ST6GALNAC5: variants seen among roughly 807,000 people sequenced by gnomAD.
The protein encoded by ST6GALNAC5 is alpha-N-acetylgalactosaminide alpha-2,6-sialyltransferase 5.
ST6GALNAC5 carries 27 observed loss-of-function variants against 33.6 expected under a neutral mutation model. That is an observed-to-expected ratio of 0.80 (90% CI 0.59 to 1.11). The LOEUF is 1.11. Among genes scored for constraint, ST6GALNAC5 ranks in the 50% least tolerant of loss-of-function variants. ST6GALNAC5 has a pLI of 0.00. For synonymous variants in ST6GALNAC5, 194 were observed against 171.2 expected (o/e 1.13, Z -1.04); for missense variants, 428 against 454.0 (o/e 0.94, Z 0.52).
chr1:76,893,348 T>A (rs909805809), intron 2 of ST6GALNAC5, among the ~76,000 whole-genome samples: 7 of 152,206 alleles, frequency 4.6e-5, no homozygotes, highest in Admixed American at 3.9e-4. Context: ...AAGAAATCAG[T>A]TTAAGAAGGC....
chr1:77,003,823 A>G (rs1017795517), intron 2 of ST6GALNAC5, among the ~76,000 whole-genome samples: 1 of 143,890 alleles, frequency 6.9e-6, no homozygotes, highest in Non-Finnish European at 1.5e-5. Flanking sequence ...ATTGGCCCCC[A>G]CTCTCTTCTG....
intron 2 of ST6GALNAC5, among the ~76,000 whole-genome samples, chr1:76,977,633 A>G (rs1649064936): frequency 6.6e-6 from 1 of 152,198 alleles, no homozygotes; most frequent in African/African-American, 2.4e-5. Context: ...GCTGCCACAA[A>G]TGATAGAATT....
At chr1:76,993,112 G>A (rs921806086) in intron 2 of ST6GALNAC5, among the ~76,000 whole-genome samples, 5 of 152,032 alleles carry the variant, frequency 3.3e-5, no homozygotes, top group Non-Finnish European at 7.4e-5. Flanking sequence ...TGCCCCTTTT[G>A]CCTTCCCCAG....
chr1:77,009,615 T>A (rs1307521070), intron 2 of ST6GALNAC5, among the ~76,000 whole-genome samples: 2 of 152,276 alleles, frequency 1.3e-5, no homozygotes, highest in East Asian at 3.9e-4. Flanking sequence ...CCCATCTTCC[T>A]GTCCTCCCCC....
chr1:76,939,372 A>G (rs1211127854), intron 2 of ST6GALNAC5, among the ~76,000 whole-genome samples: 1 of 152,060 alleles, frequency 6.6e-6, no homozygotes, highest in African/African-American at 2.4e-5. Flanking sequence ...AAGATTACTC[A>G]CAGCTGATCA....
At chr1:76,972,192 G>A (rs1463381603) in intron 2 of ST6GALNAC5, among the ~76,000 whole-genome samples, 5 of 152,170 alleles carry the variant, frequency 3.3e-5, no homozygotes, top group Non-Finnish European at 5.9e-5. Context: ...ATCTTACATA[G>A]CAGCAGGCAA....
At chr1:76,960,191 C>T (rs1433662741) in intron 2 of ST6GALNAC5, among the ~76,000 whole-genome samples, 1 of 151,994 alleles carries the variant, frequency 6.6e-6, no homozygotes, top group East Asian at 1.9e-4. Context: ...GTCAGTCGGT[C>T]TGAGAAATAA....
chr1:76,917,792 G>C (rs1317238391), intron 2 of ST6GALNAC5, among the ~76,000 whole-genome samples: 1 of 152,094 alleles, frequency 6.6e-6, no homozygotes. Context: ...TGATACAAAG[G>C]CTAGTAGGCT....
intron 2 of ST6GALNAC5, among the ~76,000 whole-genome samples, chr1:77,030,351 G>A (rs1651407007): frequency 2.6e-5 from 4 of 152,122 alleles, no homozygotes; most frequent in Non-Finnish European, 5.9e-5. Flanking sequence ...TTTAACCCCT[G>A]AGCCCCTGTT....
chr1:76,978,287 A>AT (rs1182685528), intron 2 of ST6GALNAC5, among the ~76,000 whole-genome samples: 2 of 151,992 alleles, frequency 1.3e-5, no homozygotes, highest in East Asian at 1.9e-4. Flanking sequence ...TTTCACTCTG[A>AT]TTTTTTTCCT....
At chr1:77,057,471 G>A (rs1652439990) in intron 4 of ST6GALNAC5, among the ~76,000 whole-genome samples, 1 of 152,242 alleles carries the variant, frequency 6.6e-6, no homozygotes, top group Admixed American at 6.5e-5. Flanking sequence ...TAAGCTTGAT[G>A]AGGAAGTGGA....
intron 2 of ST6GALNAC5, among the ~76,000 whole-genome samples, chr1:76,946,001 T>A (rs555219221): frequency 6.6e-6 from 1 of 152,134 alleles, no homozygotes; most frequent in South Asian, 2.1e-4. Context: ...CAGAGATGAG[T>A]CCTTAGCATA....
chr1:76,909,034 A>G (rs1312841020), intron 2 of ST6GALNAC5, among the ~76,000 whole-genome samples: 4 of 152,178 alleles, frequency 2.6e-5, no homozygotes, highest in Non-Finnish European at 5.9e-5. Flanking sequence ...GGTAAAACAC[A>G]TGAAGCATCT....
At chr1:77,055,165 T>C (rs1259633746) in intron 4 of ST6GALNAC5, among the ~76,000 whole-genome samples, 3 of 152,090 alleles carry the variant, frequency 2.0e-5, no homozygotes, top group Non-Finnish European at 4.4e-5. Context: ...GCAGAGTTCA[T>C]ACTCCCTAGC....
intron 2 of ST6GALNAC5, among the ~76,000 whole-genome samples, chr1:76,961,859 C>A (rs546552969): frequency 6.6e-6 from 1 of 152,130 alleles, no homozygotes; most frequent in Non-Finnish European, 1.5e-5. Flanking sequence ...TAATAATGTT[C>A]TTCTCCCTAC....
At chr1:77,017,531 A>G (rs1436553220) in intron 2 of ST6GALNAC5, among the ~76,000 whole-genome samples, 3 of 152,176 alleles carry the variant, frequency 2.0e-5, no homozygotes, top group Non-Finnish European at 4.4e-5. Flanking sequence ...CACAAGCAAG[A>G]GGGACCCAGG....
chr1:76,980,828 G>A (rs1031338991), intron 2 of ST6GALNAC5, among the ~76,000 whole-genome samples: 5 of 152,016 alleles, frequency 3.3e-5, no homozygotes, highest in South Asian at 2.1e-4. Context: ...TCTTAGATGT[G>A]ATACCAAAAA....
intron 2 of ST6GALNAC5, among the ~76,000 whole-genome samples, chr1:77,021,330 CT>C (rs1651047558): frequency 6.6e-6 from 1 of 152,124 alleles, no homozygotes; most frequent in African/African-American, 2.4e-5. Flanking sequence ...GGGTATGTTG[CT>C]TTTATTGTTT....
At chr1:77,024,634 G>A (rs12739214) in intron 2 of ST6GALNAC5, among the ~76,000 whole-genome samples, 16,652 of 152,184 alleles carry the variant, frequency 0.11, 1,027 homozygotes, top group Admixed American at 0.16. Context: ...TCTCCAGGGC[G>A]GGATCTGATT....
Sources: allele counts gnomAD v4.1 joint callset (sites outside exome capture counted in the v4.1 genomes callset), GRCh38; gene constraint gnomAD v4.1.1; transcripts MANE v1.5; gene names NCBI Gene and HGNC (gene_info 2026-07-23, HGNC 2026-07-21).